The following AKAP7 variants were observed in gnomAD, a reference collection of about 807,000 sequenced individuals.
The protein encoded by AKAP7 is A-kinase anchoring protein 7.
AKAP7 carries 39 observed loss-of-function variants against 39.5 expected under a neutral mutation model. That is an observed-to-expected ratio of 0.99 (90% CI 0.76 to 1.29). The LOEUF (loss-of-function observed/expected upper bound fraction) is 1.29, where lower values mean the gene tolerates loss of function less well. Ranked by LOEUF, AKAP7 falls within the 50% of genes most tolerant of loss-of-function variation. The pLI is 0.00. For synonymous variants in AKAP7, 140 were observed against 139.1 expected (o/e 1.01, Z -0.05); for missense variants, 414 against 407.7 (o/e 1.02, Z -0.13).
In AKAP7 at chr6:131,281,518, T is replaced by G. The variant is rs1815188589; in HGVS notation, c.851-12T>G. 1 of 1,593,618 alleles carries G rather than the reference T, an allele frequency of 6.3e-7. No homozygotes were observed. The highest frequency in any genetic ancestry group is 8.5e-7 in the Non-Finnish European group (1 of 1,169,850). On this transcript the variant is annotated splice_polypyrimidine_tract_variant and intron_variant, in intron 7 of 7. Coordinates refer to ENST00000431975, the MANE Select transcript of AKAP7 (RefSeq NM_016377.4). This position sits in a 1 kb window ranked among gnomAD's most constrained non-coding sequence, Gnocchi z 4.0. ...GATCTCAGTGACCTCTCTTCTCTAT[T>G]GTGGAATGTAGGTGAAAAGAACGGA...
intron 5 of AKAP7, among the ~76,000 whole-genome samples, 182 bp from the exon 6 acceptor site, chr6:131,199,279 A>G (rs1321385357): frequency 2.6e-5 from 4 of 152,204 alleles, no homozygotes; most frequent in Admixed American, 6.5e-5. Context: ...GTCATATAGC[A>G]TTTGTTATCA....
chr6:131,281,868 G>A lies in AKAP7; in HGVS notation c.*142G>A, dbSNP rs1485830660. 5 of 1,280,696 alleles carry A rather than the reference G, an allele frequency of 3.9e-6. No homozygotes were observed. The South Asian group carries it at 9.7e-5, about 25-fold the overall frequency. The allele number at this position is 1,280,696 out of a possible 1,614,324, so 79.3% of individuals were successfully genotyped here. A position where few individuals can be genotyped will look rare whatever the true frequency, so the allele number is the denominator to read the frequency against. On this transcript the variant is annotated 3_prime_UTR_variant, in exon 8 of 8. Coordinates refer to ENST00000431975, the MANE Select transcript of AKAP7 (RefSeq NM_016377.4). This position sits in a 1 kb window ranked among gnomAD's most constrained non-coding sequence, Gnocchi z 4.0. ...AGATTGCCTAATACTTTTCATGATC[G>A]ATGTGTTCGCATTGCTGAAACACAA...
At chr6:131,200,659 T>G (rs77194493) in intron 6 of AKAP7, among the ~76,000 whole-genome samples, 1 of 152,144 alleles carries the variant, frequency 6.6e-6, no homozygotes, top group Non-Finnish European at 1.5e-5. Context: ...TCTTGCATGG[T>G]TTTTTGGATT....
chr6:131,235,501 T>C (rs552975680), intron 7 of AKAP7, among the ~76,000 whole-genome samples: 20 of 152,330 alleles, frequency 1.3e-4, no homozygotes, highest in Non-Finnish European at 2.6e-4. Context: ...TCCACAATGG[T>C]TGAACTAGTT....
intron 5 of AKAP7, among the ~76,000 whole-genome samples, chr6:131,172,109 C>T (rs565543177): frequency 2.6e-5 from 4 of 152,106 alleles, no homozygotes; most frequent in East Asian, 3.9e-4. Context: ...GTTTTAAAAT[C>T]GAGAGAAAGA....
chr6:131,200,778 GACA>G (rs1469001317), intron 6 of AKAP7: 2 of 152,112 alleles, frequency 1.3e-5, no homozygotes, highest in Non-Finnish European at 2.9e-5. Context: ...AATATGGGAT[GACA>G]ACAATTTACA....
intron 6 of AKAP7, among the ~76,000 whole-genome samples, chr6:131,218,817 C>T (rs900250238): frequency 6.6e-6 from 1 of 152,078 alleles, no homozygotes; most frequent in Non-Finnish European, 1.5e-5. Flanking sequence ...CTTCCCTGCT[C>T]CAATTCAAGT....
intron 7 of AKAP7, among the ~76,000 whole-genome samples, chr6:131,265,856 G>A (rs1431629023): frequency 6.6e-6 from 1 of 152,200 alleles, no homozygotes; most frequent in Non-Finnish European, 1.5e-5. Context: ...ACTTCAATGT[G>A]TGGGGGGAAA....
intron 7 of AKAP7, among the ~76,000 whole-genome samples, chr6:131,254,445 T>G (rs1418402405): frequency 2.0e-5 from 3 of 152,252 alleles, no homozygotes. Context: ...GGGTTATCTA[T>G]CTTATTAAGC....
At chr6:131,165,793 G>T (rs879514241) in intron 4 of AKAP7, among the ~76,000 whole-genome samples, 8 of 152,000 alleles carry the variant, frequency 5.3e-5, no homozygotes, top group Non-Finnish European at 1.2e-4. Context: ...ACAACTCATT[G>T]ATTACTGCTT....
intron 2 of AKAP7, among the ~76,000 whole-genome samples, chr6:131,146,353 T>A (rs1801488540): frequency 6.6e-6 from 1 of 152,182 alleles, no homozygotes; most frequent in Admixed American, 6.5e-5. Context: ...CATGCCTGTG[T>A]TCTTAACACT....
chr6:131,126,760 C>T, the AKAP7 span, among the ~76,000 whole-genome samples: 1 of 152,206 alleles, frequency 6.6e-6, no homozygotes, highest in Admixed American at 6.5e-5. Context: ...CCCTCTGCTG[C>T]TCCATTAGCC....
intron 5 of AKAP7, among the ~76,000 whole-genome samples, chr6:131,174,702 A>G (rs1451232633): frequency 6.6e-6 from 1 of 152,272 alleles, no homozygotes; most frequent in Non-Finnish European, 1.5e-5. Flanking sequence ...CAAATGATAT[A>G]TTCTAACTCT....
At chr6:131,135,004 T>C (rs1800421183), upstream of AKAP7, among the ~76,000 whole-genome samples, 1 of 152,242 alleles carries the variant, frequency 6.6e-6, no homozygotes, top group Non-Finnish European at 1.5e-5. Flanking sequence ...TCTTAATGTC[T>C]AAACATAACA....
At chr6:131,164,712 C>A (rs1335246312) in intron 3 of AKAP7, among the ~76,000 whole-genome samples, 1 of 152,110 alleles carries the variant, frequency 6.6e-6, no homozygotes, top group Non-Finnish European at 1.5e-5. Context: ...AAGCCTTATT[C>A]TTAGGAAAGA....
intron 7 of AKAP7, among the ~76,000 whole-genome samples, chr6:131,255,910 A>T (rs1356500775): frequency 3.3e-5 from 5 of 151,658 alleles, no homozygotes; most frequent in Non-Finnish European, 5.9e-5. Flanking sequence ...TCCTCCTCTT[A>T]ATTTATTTAA....
intron 6 of AKAP7, among the ~76,000 whole-genome samples, chr6:131,211,658 A>T (rs538705983): frequency 6.6e-6 from 1 of 151,012 alleles, no homozygotes; most frequent in Admixed American, 6.6e-5. Context: ...CTGTAGTCCC[A>T]GCTGCTTGGG....
At chr6:131,203,028 C>T (rs1807752016) in intron 6 of AKAP7, among the ~76,000 whole-genome samples, 2 of 151,946 alleles carry the variant, frequency 1.3e-5, no homozygotes, top group Non-Finnish European at 2.9e-5. Context: ...TCAGTAAATG[C>T]CATATATGGT....
chr6:131,184,578 G>C (rs1233064185), intron 5 of AKAP7: 5 of 728,862 alleles, frequency 6.9e-6, no homozygotes, highest in Non-Finnish European at 1.3e-5. Flanking sequence ...GGGTGAAATG[G>C]AGGCAAGATG....
Sources: gnomAD v4.1 joint callset for allele counts (sites outside exome capture counted in the v4.1 genomes callset) on GRCh38, gnomAD v4.1.1 for gene constraint, Gnocchi (gnomAD v3.1) non-coding constraint, MANE v1.5 for transcripts, NCBI Gene and HGNC (gene_info 2026-07-23, HGNC 2026-07-21) for gene names.